Variants in CAMKMT observed in about 807,000 individuals in gnomAD.
CAMKMT encodes the protein calmodulin-lysine N-methyltransferase.
A neutral mutation model predicts 48.0 loss-of-function variants in CAMKMT; 53 were observed. The observed-to-expected ratio is 1.10, with a 90% CI of 0.89 to 1.39. The LOEUF (loss-of-function observed/expected upper bound fraction) is 1.39. CAMKMT is among the 40% of genes most tolerant of loss of function. CAMKMT has a pLI of 0.00. For synonymous variants in CAMKMT, 165 were observed against 152.3 expected (o/e 1.08, Z -0.61); for missense variants, 428 against 402.7 (o/e 1.06, Z -0.54).
intron 3 of CAMKMT, among the ~76,000 whole-genome samples, chr2:44,605,255 G>A (rs762572041): frequency 6.6e-6 from 1 of 152,180 alleles, no homozygotes; most frequent in Non-Finnish European, 1.5e-5. Context: ...TATCCATACA[G>A]ATGAGTGTTG....
chr2:44,743,729 G>C, intron 8 of CAMKMT, 33 bp downstream of exon 8: 1 of 1,548,844 alleles, frequency 6.5e-7, no homozygotes, highest in Non-Finnish European at 8.9e-7. Flanking sequence ...ACTCCTGTTA[G>C]AAAAAAATAG....
At chr2:44,482,929 G>A (rs527657463) in intron 3 of CAMKMT, among the ~76,000 whole-genome samples, 2 of 152,268 alleles carry the variant, frequency 1.3e-5, no homozygotes, top group African/African-American at 4.8e-5. Flanking sequence ...CCATGGGCAT[G>A]TACAATCAGG....
intron 3 of CAMKMT, among the ~76,000 whole-genome samples, chr2:44,461,340 A>T (rs574875521): frequency 1.8e-4 from 27 of 152,040 alleles, no homozygotes; most frequent in Admixed American, 5.9e-4. Context: ...ATATCTCATT[A>T]AAAAAAACCT....
intron 3 of CAMKMT, among the ~76,000 whole-genome samples, chr2:44,454,732 G>A (rs1283675347): frequency 6.6e-6 from 1 of 152,094 alleles, no homozygotes; most frequent in Non-Finnish European, 1.5e-5. Context: ...AATCTGTGTA[G>A]AAGTCAAGCA....
intron 3 of CAMKMT, among the ~76,000 whole-genome samples, chr2:44,654,384 T>C (rs1410565195): frequency 6.6e-6 from 1 of 152,164 alleles, no homozygotes; most frequent in Admixed American, 6.6e-5. Context: ...TTAGAAAATA[T>C]AGGTAATCAT....
At chr2:44,511,907 C>A (rs1314591559) in intron 3 of CAMKMT, among the ~76,000 whole-genome samples, 2 of 152,166 alleles carry the variant, frequency 1.3e-5, no homozygotes, top group African/African-American at 2.4e-5. Flanking sequence ...CTCTGCCCAC[C>A]CCCCATCTTC....
intron 3 of CAMKMT, among the ~76,000 whole-genome samples, chr2:44,676,203 C>T (rs191012966): frequency 6.6e-6 from 1 of 152,164 alleles, no homozygotes; most frequent in African/African-American, 2.4e-5. Flanking sequence ...TTCCTCTTTC[C>T]CTCTCTCGCT....
chr2:44,592,585 G>A (rs1385282033), intron 3 of CAMKMT, among the ~76,000 whole-genome samples: 1 of 152,008 alleles, frequency 6.6e-6, no homozygotes, highest in African/African-American at 2.4e-5. Context: ...TGTTATAATT[G>A]TTCTGTTTTA....
intron 3 of CAMKMT, among the ~76,000 whole-genome samples, chr2:44,609,391 G>A (rs1414913646): frequency 2.0e-5 from 3 of 152,180 alleles, no homozygotes; most frequent in Non-Finnish European, 2.9e-5. Flanking sequence ...GAGGTAATCC[G>A]TTTGTTAATT....
chr2:44,651,633 T>C (rs1455472914), intron 3 of CAMKMT, among the ~76,000 whole-genome samples: 1 of 152,214 alleles, frequency 6.6e-6, no homozygotes, highest in African/African-American at 2.4e-5. Context: ...GCAGTTATGG[T>C]AAATTTAAAA....
chr2:44,601,159 C>T (rs1241970632), intron 3 of CAMKMT, among the ~76,000 whole-genome samples: 1 of 151,954 alleles, frequency 6.6e-6, no homozygotes, highest in East Asian at 1.9e-4. Context: ...AAAGGTATGC[C>T]ATTACTCTTT....
intron 7 of CAMKMT, among the ~76,000 whole-genome samples, chr2:44,742,336 G>C (rs1372230283): frequency 6.6e-6 from 1 of 152,194 alleles, no homozygotes; most frequent in Non-Finnish European, 1.5e-5. Flanking sequence ...AAGTTAATTT[G>C]TAAAGCTTAT....
intron 3 of CAMKMT, among the ~76,000 whole-genome samples, chr2:44,648,340 C>A (rs959116479): frequency 6.6e-6 from 1 of 152,164 alleles, no homozygotes; most frequent in African/African-American, 2.4e-5. Flanking sequence ...TATTCTCACA[C>A]TTTTTAATAA....
chr2:44,572,209 T>C (rs1572828809), intron 3 of CAMKMT, among the ~76,000 whole-genome samples: 1 of 152,170 alleles, frequency 6.6e-6, no homozygotes, highest in African/African-American at 2.4e-5. Context: ...ATTTCTTTTT[T>C]AAAAAATTTA....
At chr2:44,679,110 G>C (rs2104167629) in intron 3 of CAMKMT, among the ~76,000 whole-genome samples, 1 of 152,304 alleles carries the variant, frequency 6.6e-6, no homozygotes, top group East Asian at 1.9e-4. Context: ...CTGATGGTTA[G>C]AGTTGGGTCA....
At chr2:44,383,325 C>T (rs762391595) in intron 2 of CAMKMT, among the ~76,000 whole-genome samples, 27 of 151,884 alleles carry the variant, frequency 1.8e-4, no homozygotes, top group African/African-American at 5.3e-4. Flanking sequence ...CCACCACACC[C>T]GGCTAATTTT....
chr2:44,771,268 CAT>C (rs1312346616), intron 10 of CAMKMT, among the ~76,000 whole-genome samples: 2 of 152,004 alleles, frequency 1.3e-5, no homozygotes, highest in Non-Finnish European at 2.9e-5. Flanking sequence ...ACAATTGGCT[CAT>C]AAATTCCAAC....
At chr2:44,372,277 A>T (rs1002668411) in intron 1 of CAMKMT, among the ~76,000 whole-genome samples, 6 of 152,100 alleles carry the variant, frequency 3.9e-5, no homozygotes, top group Admixed American at 2.0e-4. Flanking sequence ...TGAGCCCAGG[A>T]GTTTGAATCC....
At chr2:44,626,801 G>A (rs1316585390) in intron 3 of CAMKMT, among the ~76,000 whole-genome samples, 4 of 152,128 alleles carry the variant, frequency 2.6e-5, no homozygotes, top group Non-Finnish European at 4.4e-5. Flanking sequence ...AACATTGCAC[G>A]AGACCATGTC....
Sources: gnomAD v4.1 joint callset for allele counts (sites outside exome capture counted in the v4.1 genomes callset) on GRCh38, gnomAD v4.1.1 for gene constraint, MANE v1.5 for transcripts, NCBI Gene and HGNC (gene_info 2026-07-23, HGNC 2026-07-21) for gene names.